Variants in HGF observed in about 807,000 individuals in gnomAD.
HGF encodes fibroblast-derived tumor cytotoxic factor.
Under a neutral mutation model 111.6 loss-of-function variants are expected in HGF, and 39 were observed. The ratio of observed to expected loss-of-function variants is 0.35; its 90% CI spans 0.27 to 0.46. The LOEUF (loss-of-function observed/expected upper bound fraction) is 0.46, where lower values mean the gene tolerates loss of function less well. HGF is among the 20% of genes least tolerant of loss of function. The pLI, the probability that HGF is intolerant of heterozygous loss-of-function variation, is 1.00. For missense variants in HGF, 735 were observed against 910.5 expected, an observed-to-expected ratio of 0.81 and a Z score of 2.48; for synonymous variants, 285 against 294.8, an observed-to-expected ratio of 0.97 and a Z score of 0.34.
intron 7 of HGF, chr7:81,736,859 AAATC>A (rs1219493087): frequency 1.1e-4 from 47 of 415,922 alleles, no homozygotes; most frequent in African/African-American, 9.3e-4. Flanking sequence ...AGATCAAAGG[AAATC>A]ACTGAAGGGT....
At chr7:81,702,808 C>A (rs1160576486) in intron 17 of HGF, 51 bp from the exon 18 acceptor site, 2 of 1,460,404 alleles carry the variant, frequency 1.4e-6, no homozygotes, top group Non-Finnish European at 1.9e-6. Context: ...TAAAAAAAAG[C>A]TCATTAACAT....
intron 15 of HGF, 146 bp downstream of exon 15, chr7:81,706,141 G>T: frequency 4.1e-6 from 3 of 730,024 alleles, no homozygotes; most frequent in Non-Finnish European, 7.0e-6. Flanking sequence ...AGACCCAAAC[G>T]CACGCATATA....
intron 6 of HGF, 77 bp downstream of exon 6, chr7:81,744,923 T>A (rs1336250602): frequency 1.3e-5 from 19 of 1,479,194 alleles, no homozygotes; most frequent in Non-Finnish European, 1.8e-5. Context: ...ATAAAGAGAA[T>A]TTCCACAGCA....
chr7:81,730,532 A>G (rs2115934648), intron 7 of HGF, among the ~76,000 whole-genome samples: 1 of 152,320 alleles, frequency 6.6e-6, no homozygotes, highest in Non-Finnish European at 1.5e-5. Context: ...TTGACAATAA[A>G]GAAAAAATCA....
chr7:81,729,990 T>C (rs1787592271), intron 7 of HGF, among the ~76,000 whole-genome samples: 1 of 152,170 alleles, frequency 6.6e-6, no homozygotes, highest in Admixed American at 6.5e-5. Flanking sequence ...AAATTAGTTT[T>C]TTCTTGAAAA....
intron 7 of HGF, among the ~76,000 whole-genome samples, chr7:81,738,609 G>A (rs1787912394): frequency 6.6e-6 from 1 of 152,122 alleles, no homozygotes; most frequent in Non-Finnish European, 1.5e-5. Context: ...TACATTGATT[G>A]TAACATAGAA....
intron 5 of HGF, among the ~76,000 whole-genome samples, chr7:81,747,858 A>G (rs1010031918): frequency 6.6e-6 from 1 of 151,954 alleles, no homozygotes; most frequent in Non-Finnish European, 1.5e-5. Context: ...GCTTGAACCC[A>G]GGAGGTGGAG....
At chr7:81,706,081 A>C (rs1583914557) in intron 15 of HGF, among the ~76,000 whole-genome samples, 1 of 152,022 alleles carries the variant, frequency 6.6e-6, no homozygotes, top group East Asian at 1.9e-4. Context: ...AATGTTAGTT[A>C]TTCATTTTTT....
chr7:81,764,844 T>C (rs1789280439), intron 1 of HGF, among the ~76,000 whole-genome samples: 1 of 152,044 alleles, frequency 6.6e-6, no homozygotes, highest in East Asian at 1.9e-4. Flanking sequence ...ATTAAGAGTT[T>C]CTCTTTCCTT....
intron 2 of HGF, among the ~76,000 whole-genome samples, chr7:81,760,414 C>A (rs574662419): frequency 6.6e-6 from 1 of 152,128 alleles, no homozygotes; most frequent in Non-Finnish European, 1.5e-5. Context: ...TTGTTGATAA[C>A]TTCTCAAGGA....
chr7:81,709,535 G>A (rs1333193458), intron 13 of HGF, among the ~76,000 whole-genome samples: 1 of 152,054 alleles, frequency 6.6e-6, no homozygotes, highest in Non-Finnish European at 1.5e-5. Flanking sequence ...AATATGATTT[G>A]CAAAGTGATT....
At chr7:81,705,593 G>A (rs748539273) in intron 16 of HGF, 54 bp downstream of exon 16, 3 of 1,599,040 alleles carry the variant, frequency 1.9e-6, no homozygotes, top group African/African-American at 1.3e-5. Context: ...AAAGACAAAT[G>A]TGTTCTTTTT....
intron 11 of HGF, among the ~76,000 whole-genome samples, chr7:81,716,900 T>C (rs1789726589): frequency 6.6e-6 from 1 of 152,068 alleles, no homozygotes; most frequent in African/African-American, 2.4e-5. Context: ...CAGGTAGTAT[T>C]GGTATTGGGG....
chr7:81,751,498 CATAGACA>C (rs373999040), intron 5 of HGF: 760,905 of 983,018 alleles, frequency 0.77, 295,897 homozygotes, highest in African/African-American at 0.93. Flanking sequence ...ACTTAAGGTC[CATAGACA>C]TGCCTTCAAG....
chr7:81,720,279 T>A (rs1789818935), intron 10 of HGF, among the ~76,000 whole-genome samples: 1 of 152,220 alleles, frequency 6.6e-6, no homozygotes, highest in Non-Finnish European at 1.5e-5. Flanking sequence ...ATTTTAGAAA[T>A]TTAAATTATA....
chr7:81,715,388 A>C (rs1789683455), intron 11 of HGF, among the ~76,000 whole-genome samples: 1 of 152,076 alleles, frequency 6.6e-6, no homozygotes, highest in Non-Finnish European at 1.5e-5. Context: ...TTCTCTGAAA[A>C]AGTAGGTGTG....
chr7:81,747,524 G>A (rs1281510256), intron 5 of HGF, among the ~76,000 whole-genome samples: 1 of 152,000 alleles, frequency 6.6e-6, no homozygotes. Flanking sequence ...TTGCAGTTGT[G>A]GGCCTAAAAA....
chr7:81,708,561 G>GTC (rs1562872580), intron 13 of HGF, among the ~76,000 whole-genome samples: 1 of 88,446 alleles, frequency 1.1e-5, no homozygotes, highest in Non-Finnish European at 2.0e-5. Context: ...TTGAGACAGA[G>GTC]TCTCGCTCAG....
intron 15 of HGF, 104 bp downstream of exon 15, chr7:81,706,182 TA>T: frequency 1.0e-6 from 1 of 963,534 alleles, no homozygotes; most frequent in Non-Finnish European, 1.7e-6. Flanking sequence ...AACATATGTT[TA>T]TAATGCATCT....
Sources: allele counts gnomAD v4.1 joint callset (sites outside exome capture counted in the v4.1 genomes callset), GRCh38; gene constraint gnomAD v4.1.1; transcripts MANE v1.5; gene names NCBI Gene and HGNC (gene_info 2026-07-23, HGNC 2026-07-21).